PLCH1: variants seen among roughly 807,000 people sequenced by gnomAD.
PLCH1 encodes the protein phospholipase C eta 1, also known as 1-phosphatidylinositol 4,5-bisphosphate phosphodiesterase eta-1.
A neutral mutation model predicts 126.7 loss-of-function variants in PLCH1; 60 were observed. That is an observed-to-expected ratio of 0.47 (90% CI 0.38 to 0.59). The LOEUF (loss-of-function observed/expected upper bound fraction) is 0.59. Among genes scored for constraint, PLCH1 ranks in the 20% least tolerant of loss-of-function variants. The pLI is 0.00. For missense variants in PLCH1, 1,723 were observed against 2,040.0 expected (o/e 0.84, Z 2.99); for synonymous variants, 719 against 734.9 (o/e 0.98, Z 0.35).
intron 2 of PLCH1, among the ~76,000 whole-genome samples, chr3:155,677,025 A>G (rs1410307294): frequency 1.3e-5 from 2 of 152,218 alleles, no homozygotes; most frequent in Non-Finnish European, 2.9e-5. Context: ...CAGACACATA[A>G]GCAGATACAG....
intron 7 of PLCH1, among the ~76,000 whole-genome samples, chr3:155,566,163 A>G (rs1372627989): frequency 3.1e-3 from 231 of 74,532 alleles, no homozygotes; most frequent in Middle Eastern, 8.9e-3. Flanking sequence ...ATATACACAT[A>G]CATATATACA....
At chr3:155,628,189 C>T (rs972993346) in intron 2 of PLCH1, among the ~76,000 whole-genome samples, 5 of 151,660 alleles carry the variant, frequency 3.3e-5, no homozygotes, top group Admixed American at 2.0e-4. Context: ...AGGGATACAC[C>T]ACCCCAAAGT....
chr3:155,472,088 T>C lies in PLCH1; in HGVS notation c.2938+13268A>G, dbSNP rs540089061. 5.9e-5 allele frequency among the ~76,000 whole-genome samples: 9 copies of C among 151,920 alleles called. No homozygotes were observed. The South Asian group carries it at 1.9e-3, about 32-fold the overall frequency. On this transcript the variant is annotated intron_variant, in intron 21 of 21. Transcript: ENST00000494598. ...GAAATAACTGAAATCAGAGCAGAAC[T>C]GAAGGAAATAGAGACACAAAAAACC...
intron 21 of PLCH1, 193 bp from the exon 22 acceptor site, chr3:155,485,903 G>T: frequency 6.7e-6 from 4 of 600,634 alleles, no homozygotes; most frequent in Non-Finnish European, 1.2e-5. Context: ...ACCTTACTTT[G>T]CAAGGACTTC....
At position 155,655,341 on chromosome 3, in the gene PLCH1, C is replaced by T. The variant is rs145769791; in HGVS notation, c.79+48805G>A. 4.7e-3 allele frequency among the ~76,000 whole-genome samples: 712 copies of T among 151,692 alleles called. 4 individuals carry two copies. The highest frequency in any genetic ancestry group is 0.016 in the African/African-American group (677 of 41,350). On this transcript the variant is annotated intron_variant, in intron 2 of 22. Coordinates refer to ENST00000460012, the MANE Select transcript of PLCH1 (RefSeq NM_014996.4). ...GTCCCAGTTACTCGGGAGGTTAGAA[C>T]GATCATTCAAGCCCAGGAGGTTGAG...
intron 2 of PLCH1, among the ~76,000 whole-genome samples, chr3:155,687,837 G>C (rs1371514648): frequency 6.6e-6 from 1 of 152,158 alleles, no homozygotes; most frequent in South Asian, 2.1e-4. Context: ...TAAAGGGTTA[G>C]CTTCCACAAC....
Position 155,559,213 on chromosome 3 carries a change from G to A in PLCH1, c.1070-5017C>T, listed in dbSNP as rs866935185. On this transcript the variant is annotated intron_variant, in intron 8 of 22. Transcript: ENST00000460012. ...CCCAGCTTCCAAGCTTCCTAACCTC[G>A]GGAACTTAAGCCATTTATTTAACTA... Among the ~76,000 whole-genome samples the A allele has an allele frequency of 8.6e-5, 13 of 151,828 alleles. 2 individuals carry two copies. In the Middle Eastern group the frequency reaches 0.027, roughly 318 times the overall value.
At chr3:155,531,548 C>A (rs749421432) in intron 10 of PLCH1, among the ~76,000 whole-genome samples, 3 of 152,178 alleles carry the variant, frequency 2.0e-5, no homozygotes, top group Non-Finnish European at 4.4e-5. Flanking sequence ...TCACTTGAAC[C>A]CAGGAGGTAG....
At chr3:155,739,874 C>T (rs1749489319) in intron 1 of PLCH1, among the ~76,000 whole-genome samples, 1 of 152,112 alleles carries the variant, frequency 6.6e-6, no homozygotes, top group African/African-American at 2.4e-5. Flanking sequence ...AAATAAGTGC[C>T]ATCACGTTAG....
chr3:155,579,894 TTCTC>T (rs772390671), intron 6 of PLCH1, among the ~76,000 whole-genome samples: 227 of 147,474 alleles, frequency 1.5e-3, no homozygotes, highest in African/African-American at 4.9e-3. Context: ...CTGTCTCTCT[TTCTC>T]TCTCTCTCTC....
intron 22 of PLCH1, among the ~76,000 whole-genome samples, chr3:155,485,092 C>G (rs1329045774): frequency 6.6e-6 from 1 of 152,184 alleles, no homozygotes; most frequent in African/African-American, 2.4e-5. Flanking sequence ...TCATCTTCCT[C>G]TCTGTGCCAT....
At chr3:155,695,467 C>A (rs985882640) in intron 2 of PLCH1, among the ~76,000 whole-genome samples, 5 of 152,160 alleles carry the variant, frequency 3.3e-5, no homozygotes, top group Admixed American at 2.6e-4. Flanking sequence ...GATTAAAAAT[C>A]AAACTCAACA....
chr3:155,651,505 CT>C (rs1740710557), intron 2 of PLCH1, among the ~76,000 whole-genome samples: 1 of 152,014 alleles, frequency 6.6e-6, no homozygotes, highest in African/African-American at 2.4e-5. Context: ...CAAAAGAGAA[CT>C]TTTATATTTT....
chr3:155,485,032 A>G (rs559318264), intron 22 of PLCH1, among the ~76,000 whole-genome samples: 3 of 152,326 alleles, frequency 2.0e-5, no homozygotes, highest in African/African-American at 7.2e-5. Flanking sequence ...AAATCAGTAA[A>G]TATGGCACTC....
At chr3:155,542,822 A>G (rs1034072637) in intron 10 of PLCH1, among the ~76,000 whole-genome samples, 16 of 152,290 alleles carry the variant, frequency 1.1e-4, no homozygotes, top group Admixed American at 1.3e-4. Flanking sequence ...CCTGCAGCTG[A>G]GGGTCCTGTC....
At chr3:155,558,966 T>A (rs1727195446) in intron 8 of PLCH1, among the ~76,000 whole-genome samples, 1 of 152,086 alleles carries the variant, frequency 6.6e-6, no homozygotes, top group African/African-American at 2.4e-5. Flanking sequence ...ATCTAAATAT[T>A]TAGGTGGTAG....
chr3:155,517,902 G>A lies in PLCH1; in HGVS notation c.1471-3018C>T, dbSNP rs764005533. 5.1e-4 allele frequency among the ~76,000 whole-genome samples: 77 copies of A among 152,274 alleles called. 1 individual carries two copies. The highest frequency in any genetic ancestry group is 8.4e-4 in the Non-Finnish European group (57 of 68,032). On this transcript the variant is annotated intron_variant, in intron 11 of 22. Transcript: ENST00000460012. ...GAACCAGTAATCATATGAGCAAGGAGAAATGAGCCACAGGGAAATACAGAA... is the reference window on the plus strand; with the variant it reads ...GAACCAGTAATCATATGAGCAAGGAAAAATGAGCCACAGGGAAATACAGAA...
chr3:155,735,225 T>G (rs1490049364), intron 1 of PLCH1, among the ~76,000 whole-genome samples: 1 of 151,772 alleles, frequency 6.6e-6, no homozygotes, highest in Non-Finnish European at 1.5e-5. Context: ...GGGTGGCGGG[T>G]GGGGAAGATG....
At chr3:155,697,092 G>C (rs1745880362) in intron 2 of PLCH1, among the ~76,000 whole-genome samples, 1 of 152,166 alleles carries the variant, frequency 6.6e-6, no homozygotes, top group Non-Finnish European at 1.5e-5. Context: ...AGTGGGTTCA[G>C]TTACTCAGAA....
Sources: allele counts gnomAD v4.1 joint callset (sites outside exome capture counted in the v4.1 genomes callset), GRCh38; gene constraint gnomAD v4.1.1; transcripts MANE v1.5; gene names NCBI Gene and HGNC (gene_info 2026-07-23, HGNC 2026-07-21).